Variants in CSRNP3 observed in about 807,000 individuals in gnomAD.
The protein encoded by CSRNP3 is cysteine and serine rich nuclear protein 3, also known as cysteine/serine-rich nuclear protein 3.
CSRNP3 carries 12 observed loss-of-function variants against 48.0 expected under a neutral mutation model. The observed-to-expected ratio is 0.25, with a 90% CI of 0.16 to 0.41. CSRNP3 has a LOEUF of 0.41. Ranked by LOEUF, CSRNP3 falls within the 10% of genes least tolerant of loss-of-function variation. The pLI is 1.00. For synonymous variants in CSRNP3, 263 were observed against 269.7 expected (o/e 0.98, Z 0.24); for missense variants, 580 against 724.4 (o/e 0.80, Z 2.29).
chr2:165,494,100 T>C (rs1383910388), intron 1 of CSRNP3, among the ~76,000 whole-genome samples: 1 of 152,146 alleles, frequency 6.6e-6, no homozygotes, highest in Admixed American at 6.6e-5. Context: ...ATTAATATTT[T>C]ATTCAACAAA....
In CSRNP3 at chr2:165,531,666, A is replaced by G. The variant is rs187718171; in HGVS notation, c.-24+13705A>G. On this transcript the variant is annotated intron_variant, in intron 3 of 6. Transcript: ENST00000651982. ...TAAAAGAACTAGAAAAGCAAGAGCA[A>G]ACACATTCAAAAGCTAGCAGAAGGC... Among the ~76,000 whole-genome samples, 809 of 152,338 alleles carry G rather than the reference A, an allele frequency of 5.3e-3. 6 individuals are homozygous for G. Among genetic ancestry groups the G allele is most frequent in the Non-Finnish European group, 9.0e-3 (613 of 68,032 alleles).
chr2:165,622,802 G>C (rs532166535), intron 4 of CSRNP3, among the ~76,000 whole-genome samples: 1 of 152,260 alleles, frequency 6.6e-6, no homozygotes, highest in East Asian at 1.9e-4. Flanking sequence ...TGCAAGGAAG[G>C]CTGGATCACT....
intron 4 of CSRNP3, among the ~76,000 whole-genome samples, chr2:165,609,244 A>G (rs1391308760): frequency 1.3e-5 from 2 of 151,544 alleles, no homozygotes; most frequent in Non-Finnish European, 2.9e-5. Flanking sequence ...TCACGAGGTC[A>G]GGAGATCGAG....
intron 2 of CSRNP3, among the ~76,000 whole-genome samples, chr2:165,498,067 G>C (rs563385911): frequency 6.6e-6 from 1 of 152,152 alleles, no homozygotes; most frequent in East Asian, 1.9e-4. Flanking sequence ...GAGTGTGAAA[G>C]AACATTTTAC....
chr2:165,670,955 A>C (rs146677590), intron 5 of CSRNP3, among the ~76,000 whole-genome samples: 34 of 152,328 alleles, frequency 2.2e-4, no homozygotes, highest in African/African-American at 7.9e-4. Flanking sequence ...CCAGATTGGC[A>C]GTATCTACTT....
At chr2:165,568,891 A>G (rs1391295450) in intron 3 of CSRNP3, among the ~76,000 whole-genome samples, 1 of 152,076 alleles carries the variant, frequency 6.6e-6, no homozygotes, top group Non-Finnish European at 1.5e-5. Context: ...TTAAATTACA[A>G]AAATAATTTT....
chr2:165,677,927 T>C (rs1353048519), intron 6 of CSRNP3, among the ~76,000 whole-genome samples: 1 of 152,154 alleles, frequency 6.6e-6, no homozygotes, highest in Non-Finnish European at 1.5e-5. Flanking sequence ...TTTTGGAATA[T>C]TGATGAAACG....
intron 4 of CSRNP3, among the ~76,000 whole-genome samples, chr2:165,609,063 C>T (rs1332773744): frequency 6.8e-6 from 1 of 148,148 alleles, no homozygotes; most frequent in Non-Finnish European, 1.5e-5. Flanking sequence ...GCTGAGATGG[C>T]GCCACTGCAC....
intron 4 of CSRNP3, among the ~76,000 whole-genome samples, chr2:165,653,458 C>G (rs1416027803): frequency 6.6e-6 from 1 of 152,202 alleles, no homozygotes; most frequent in East Asian, 1.9e-4. Context: ...GCCTTCTGCT[C>G]CCTGACACTA....
At chr2:165,568,270 T>C (rs1685323373) in intron 3 of CSRNP3, among the ~76,000 whole-genome samples, 1 of 152,038 alleles carries the variant, frequency 6.6e-6, no homozygotes, top group Admixed American at 6.6e-5. Flanking sequence ...CCTCTTATCT[T>C]ATCCCCTGGT....
intron 3 of CSRNP3, among the ~76,000 whole-genome samples, chr2:165,548,415 A>G (rs1685057959): frequency 6.6e-6 from 1 of 152,102 alleles, no homozygotes; most frequent in South Asian, 2.1e-4. Flanking sequence ...CAATACTACT[A>G]TCTGACACAT....
intron 4 of CSRNP3, among the ~76,000 whole-genome samples, chr2:165,599,323 A>AAGAAAGAG (rs1453281778): frequency 6.6e-6 from 1 of 151,086 alleles, no homozygotes; most frequent in Non-Finnish European, 1.5e-5. Flanking sequence ...GAAAGAAAGA[A>AAGAAAGAG]AGAAAGGAAA....
At position 165,621,573 on chromosome 2, in the gene CSRNP3, G is replaced by A. The variant is rs1573924628; in HGVS notation, c.148+26360G>A. Among the ~76,000 whole-genome samples the A allele has an allele frequency of 4.6e-5, 7 of 152,238 alleles. No homozygotes were observed. In the South Asian group the frequency reaches 1.5e-3, roughly 32 times the overall value. ...CAGAATATTACTTTTTAAAAGGAGTGTGGACCAGGAATCTCTTACAGAGAA... is the reference window on the plus strand; with the variant it reads ...CAGAATATTACTTTTTAAAAGGAGTATGGACCAGGAATCTCTTACAGAGAA... On this transcript the variant is annotated intron_variant, in intron 4 of 6. Transcript: ENST00000651982.
At chr2:165,665,682 C>T (rs1290239671) in intron 5 of CSRNP3, among the ~76,000 whole-genome samples, 1 of 151,612 alleles carries the variant, frequency 6.6e-6, no homozygotes, top group Non-Finnish European at 1.5e-5. Context: ...ATCACTTGGG[C>T]CCTGGAGTTC....
intron 5 of CSRNP3, among the ~76,000 whole-genome samples, chr2:165,674,020 CA>C (rs1286407615): frequency 3.3e-5 from 5 of 150,856 alleles, no homozygotes; most frequent in Non-Finnish European, 4.4e-5. Flanking sequence ...GACTCCATCT[CA>C]AAAAAAATAA....
At chr2:165,651,560 A>G (rs1011247838) in intron 4 of CSRNP3, among the ~76,000 whole-genome samples, 1 of 151,568 alleles carries the variant, frequency 6.6e-6, no homozygotes, top group Non-Finnish European at 1.5e-5. Flanking sequence ...CGTTCTTTAT[A>G]TAATTTATAG....
chr2:165,478,492 T>G (rs78692427), intron 1 of CSRNP3, among the ~76,000 whole-genome samples: 4,606 of 152,328 alleles, frequency 0.03, 186 homozygotes, highest in African/African-American at 0.1. Flanking sequence ...AAAGCATGAT[T>G]CCATTTTGTT....
intron 6 of CSRNP3, among the ~76,000 whole-genome samples, chr2:165,678,437 G>A (rs1687465649): frequency 6.6e-6 from 1 of 152,134 alleles, no homozygotes; most frequent in African/African-American, 2.4e-5. Flanking sequence ...GAAAGCCATG[G>A]AGTGGGTCAG....
Position 165,666,700 on chromosome 2 carries a change from A to AGAGC in CSRNP3, c.408+8683_408+8684insCGAG, listed in dbSNP as rs1164744898. ...GAAAGAGAGAGTGGTGTTAAGAGAG[A>AGAGC]GAGAAAGGAAGGAAGGAAAGAGAGA... On this transcript the variant is annotated intron_variant, in intron 5 of 6. Coordinates refer to ENST00000651982, the MANE Select transcript of CSRNP3 (RefSeq NM_001172173.2). Among the ~76,000 whole-genome samples, 87 of 137,034 alleles carry AGAGC rather than the reference A, an allele frequency of 6.3e-4. 10 individuals are homozygous for AGAGC. Among genetic ancestry groups the AGAGC allele is most frequent in the African/African-American group, 2.2e-3 (82 of 36,574 alleles). 89.9% of individuals were successfully genotyped at this position (137,034 alleles called of 152,430 possible).
Sources: allele counts gnomAD v4.1 joint callset (sites outside exome capture counted in the v4.1 genomes callset), GRCh38; gene constraint gnomAD v4.1.1; transcripts MANE v1.5; gene names NCBI Gene and HGNC (gene_info 2026-07-23, HGNC 2026-07-21).